The following MAPK12 variants were observed in gnomAD, a reference collection of about 807,000 sequenced individuals.
MAPK12 encodes mitogen-activated protein kinase 12, also known as MAP kinase 12.
In MAPK12, 49 loss-of-function variants were observed where a neutral mutation model predicts 49.1. The ratio of observed to expected loss-of-function variants is 1.00; its 90% CI spans 0.79 to 1.27. The LOEUF (loss-of-function observed/expected upper bound fraction) is 1.27. Ranked by LOEUF, MAPK12 falls within the 50% of genes most tolerant of loss-of-function variation. The pLI is 0.00. For missense variants in MAPK12, 554 were observed against 502.4 expected (o/e 1.10, Z -0.98); for synonymous variants, 251 against 209.7 (o/e 1.20, Z -1.70).
intron 11 of MAPK12, chr22:50,254,298 G>GGCGA (rs2065126345): frequency 6.5e-6 from 1 of 152,978 alleles, no homozygotes; most frequent in Admixed American, 6.5e-5. Context: ...GGGGGAGACA[G>GGCGA]GCGAGGCCCT....
Position 50,258,224 on chromosome 22 carries a change from A to C in MAPK12, c.314+19T>G, listed in dbSNP as rs1340955339. ...CCAACACCCCTCGTGCCCAGCGGCC[A>C]GCCCAGGTCGGCACTCACAAGTCCG... On this transcript the variant is annotated intron_variant, in intron 3 of 11. Transcript: ENST00000215659. 1.2e-6 allele frequency: 2 copies of C among 1,612,750 alleles called. No homozygotes were observed. Among genetic ancestry groups the C allele is most frequent in the African/African-American group, 1.3e-5 (1 of 74,930 alleles).
rs1437232651 is a variant in MAPK12 at position 50,261,607 on chromosome 22, GCCGCTCGT to G, written c.-106_-99del. On this transcript the variant is annotated 5_prime_UTR_variant, in exon 1 of 12. Transcript: ENST00000215659. ...GGCGCGCGCCTCGGGCCGGCTCCGC[GCCGCTCGT>G]CCGCTCGCCCGCCCGCCCGCCGGCC... 1 of 1,004,426 alleles carries G rather than the reference GCCGCTCGT, an allele frequency of 1.0e-6. No individual in the cohort carries two copies. Among genetic ancestry groups the G allele is most frequent in the Non-Finnish European group, 1.2e-6 (1 of 843,890 alleles). 62.2% of individuals were successfully genotyped at this position (1,004,426 alleles called of 1,614,324 possible).
chr22:50,261,017 C>T, intron 2 of MAPK12, 150 bp downstream of exon 2: 4 of 886,536 alleles, frequency 4.5e-6, no homozygotes, highest in South Asian at 3.9e-5. Context: ...ACAGGCCTTG[C>T]TCTCCTTCTC....
At position 50,253,115 on chromosome 22, in the gene MAPK12, C is replaced by A; in HGVS notation, c.*286G>T. 1 of 473,706 alleles carries A rather than the reference C, an allele frequency of 2.1e-6. No homozygotes were observed. The highest frequency in any genetic ancestry group is 3.3e-5 in the Admixed American group (1 of 30,024). The allele number at this position is 473,706 out of a possible 1,614,324, so 29.3% of individuals were successfully genotyped here. On this transcript the variant is annotated 3_prime_UTR_variant, in exon 12 of 12. Coordinates refer to ENST00000215659, the MANE Select transcript of MAPK12 (RefSeq NM_002969.6). ...AAGGCCTGATCTGGAGCCCCACCAGCTCTGAGGTTTCTGAGAGCACCGGGC... is the reference window on the plus strand; with the variant it reads ...AAGGCCTGATCTGGAGCCCCACCAGATCTGAGGTTTCTGAGAGCACCGGGC...
intron 2 of MAPK12, among the ~76,000 whole-genome samples, chr22:50,258,982 G>C (rs2065180997): frequency 6.6e-6 from 1 of 152,230 alleles, no homozygotes; most frequent in Non-Finnish European, 1.5e-5. Context: ...CCAGGTGGCG[G>C]AGGCCCAGGC....
At chr22:50,260,248 GGGGCACTTTGCTGGTGGA>G (rs2065197464) in intron 2 of MAPK12, among the ~76,000 whole-genome samples, 3 of 151,110 alleles carry the variant, frequency 2.0e-5, no homozygotes, top group African/African-American at 7.3e-5. Flanking sequence ...GCTGGTGGAC[GGGGCACTTTGCTGGTGGA>G]CGCAGGGACT....
At chr22:50,256,708 G>A (rs1475505456) in intron 5 of MAPK12, 62 bp from the exon 6 acceptor site, 1 of 1,559,738 alleles carries the variant, frequency 6.4e-7, no homozygotes, top group Non-Finnish European at 8.7e-7. Flanking sequence ...ACAGCCAAGA[G>A]CCTGGGTGGC....
Position 50,255,893 on chromosome 22 carries a change from G to T in MAPK12, c.620-12C>A. 1 of 1,611,446 alleles carries T rather than the reference G, an allele frequency of 6.2e-7. No individual in the cohort carries two copies. The highest frequency in any genetic ancestry group is 8.5e-7 in the Non-Finnish European group (1 of 1,179,100). On this transcript the variant is annotated splice_polypyrimidine_tract_variant and intron_variant, in intron 7 of 11. Transcript: ENST00000215659. ...AGACCAGATGTCCACTGAGATAGAA[G>T]CCCTGGTCAGCTCCGTGGGCAGGGG...
chr22:50,255,581 C>T (rs1188002889), intron 9 of MAPK12, 34 bp downstream of exon 9: 2 of 1,605,434 alleles, frequency 1.2e-6, no homozygotes, highest in Non-Finnish European at 1.7e-6. Context: ...CAGGTCCGCC[C>T]CCACCCCCAC....
chr22:50,255,968 G>C lies in MAPK12; in HGVS notation c.620-87C>G, dbSNP rs1019032604. On this transcript the variant is annotated intron_variant, in intron 7 of 11. Transcript: ENST00000215659. ...AGACACCAACACAGCCCACCTGCCCGGCTCCCACCCCAGCTCAACAGCCTC... is the reference window on the plus strand; with the variant it reads ...AGACACCAACACAGCCCACCTGCCCCGCTCCCACCCCAGCTCAACAGCCTC... 15 of 1,502,226 alleles carry C rather than the reference G, an allele frequency of 1.0e-5. No homozygotes were observed. In the East Asian group the frequency reaches 3.5e-4, roughly 35 times the overall value. The allele number at this position is 1,502,226 out of a possible 1,614,324, so 93.1% of individuals were successfully genotyped here.
intron 2 of MAPK12, chr22:50,260,819 A>T (rs1290273857): frequency 5.4e-6 from 1 of 185,242 alleles, no homozygotes; most frequent in African/African-American, 2.4e-5. Flanking sequence ...CGCCGGGAGC[A>T]TGCTCTCACC....
chr22:50,258,214 C>T (rs1441036686), intron 3 of MAPK12, 29 bp downstream of exon 3: 1 of 1,611,648 alleles, frequency 6.2e-7, no homozygotes, highest in East Asian at 2.2e-5. Flanking sequence ...ACCCCTCGTG[C>T]CCAGCGGCCA....
At chr22:50,255,982 C>A in intron 7 of MAPK12, 101 bp from the exon 8 acceptor site, 1 of 1,494,942 alleles carries the variant, frequency 6.7e-7, no homozygotes, top group South Asian at 1.2e-5. Flanking sequence ...CCCACCCCAG[C>A]TCAACAGCCT....
In MAPK12 at chr22:50,261,615, TCCGCTCGC is replaced by T. The variant is rs1255125193; in HGVS notation, c.-114_-107del. The T allele has an allele frequency of 3.3e-3, 3,133 of 960,434 alleles. 144 individuals are homozygous for T. In the East Asian group the frequency reaches 0.097, roughly 30 times the overall value. The allele number at this position is 960,434 out of a possible 1,614,324, so 59.5% of individuals were successfully genotyped here. On this transcript the variant is annotated 5_prime_UTR_variant, in exon 1 of 12. Coordinates refer to ENST00000215659, the MANE Select transcript of MAPK12 (RefSeq NM_002969.6). ...CCTCGGGCCGGCTCCGCGCCGCTCG[TCCGCTCGC>T]CCGCCCGCCCGCCGGCCGCTGGGGC...
At chr22:50,260,938 G>A (rs2065205865) in intron 2 of MAPK12, 1 of 443,332 alleles carries the variant, frequency 2.3e-6, no homozygotes, top group Admixed American at 4.6e-5. Context: ...CGAGTCAAGG[G>A]GCTGAGTCCT....
At chr22:50,258,188 C>A in intron 3 of MAPK12, 55 bp downstream of exon 3, 2 of 1,559,940 alleles carry the variant, frequency 1.3e-6, no homozygotes, top group Non-Finnish European at 1.8e-6. Flanking sequence ...GAAGCCAGTG[C>A]CCAGAGCTGC....
chr22:50,257,778 C>T, intron 3 of MAPK12: 1 of 703,580 alleles, frequency 1.4e-6, no homozygotes, highest in East Asian at 2.7e-5. Flanking sequence ...CCTTCCTCGG[C>T]CTGGCCCTTC....
Position 50,255,155 on chromosome 22 carries a change from C to T in MAPK12, c.1024+42G>A, listed in dbSNP as rs111600690. 10 of 1,609,144 alleles carry T rather than the reference C, an allele frequency of 6.2e-6. No homozygotes were observed. In the East Asian group the frequency reaches 6.7e-5, roughly 11 times the overall value. ...CACACAGGCCCTGCCCAGAGCCCCCCACTTGGGTCCACACAGGCCGTGCCA... is the reference window on the plus strand; with the variant it reads ...CACACAGGCCCTGCCCAGAGCCCCCTACTTGGGTCCACACAGGCCGTGCCA... On this transcript the variant is annotated intron_variant, in intron 11 of 11. Coordinates refer to ENST00000215659, the MANE Select transcript of MAPK12 (RefSeq NM_002969.6).
At position 50,253,135 on chromosome 22, in the gene MAPK12, C is replaced by T; in HGVS notation, c.*266G>A. On this transcript the variant is annotated 3_prime_UTR_variant, in exon 12 of 12. Transcript: ENST00000215659. ...ACCAGCTCTGAGGTTTCTGAGAGCA[C>T]CGGGCAAGTGGGCCACTGCTCCAGG... The T allele has an allele frequency of 2.0e-6, 1 of 506,800 alleles. No homozygotes were observed. Among genetic ancestry groups the T allele is most frequent in the Non-Finnish European group, 3.6e-6 (1 of 277,098 alleles). 31.4% of individuals were successfully genotyped at this position (506,800 alleles called of 1,614,324 possible). A position where few individuals can be genotyped will look rare whatever the true frequency, so the allele number is the denominator to read the frequency against.
Sources: gnomAD v4.1 joint callset for allele counts (sites outside exome capture counted in the v4.1 genomes callset) on GRCh38, gnomAD v4.1.1 for gene constraint, MANE v1.5 for transcripts, NCBI Gene and HGNC (gene_info 2026-07-23, HGNC 2026-07-21) for gene names.